RCOR2: variants seen among roughly 807,000 people sequenced by gnomAD.
The protein encoded by RCOR2 is REST corepressor 2.
RCOR2 carries 19 observed loss-of-function variants against 58.9 expected under a neutral mutation model. The ratio of observed to expected loss-of-function variants is 0.32; its 90% CI spans 0.23 to 0.47. The LOEUF (loss-of-function observed/expected upper bound fraction) is 0.47. RCOR2 is among the 20% of genes least tolerant of loss of function. The pLI, the probability that RCOR2 is intolerant of heterozygous loss-of-function variation, is 1.00. For synonymous variants in RCOR2, 286 were observed against 278.7 expected, an observed-to-expected ratio of 1.03 and a Z score of -0.26; for missense variants, 590 against 707.9, an observed-to-expected ratio of 0.83 and a Z score of 1.89.
At position 63,914,960 on chromosome 11, in the gene RCOR2, G is replaced by C; in HGVS notation, c.266-6C>G. 1 of 1,613,904 alleles carries C rather than the reference G, an allele frequency of 6.2e-7. No individual in the cohort carries two copies. Among genetic ancestry groups the C allele is most frequent in the Non-Finnish European group, 8.5e-7 (1 of 1,180,000 alleles). ...CATCGCAATGTACTTGTCAACTGCA[G>C]GGGCAGCAGGGGCAGGGTCTTGGTG... On this transcript the variant is annotated splice_polypyrimidine_tract_variant and splice_region_variant and intron_variant, in intron 3 of 11. Coordinates refer to ENST00000301459, the MANE Select transcript of RCOR2 (RefSeq NM_173587.4).
chr11:63,926,499 T>TTTTTTG, the RCOR2 span, among the ~76,000 whole-genome samples: 1 of 151,048 alleles, frequency 6.6e-6, no homozygotes, highest in Admixed American at 6.6e-5. Context: ...CTTTTTTTTT[T>TTTTTTG]TTTGTTTGTT....
intron 8 of RCOR2, 35 bp downstream of exon 8, chr11:63,913,919 C>T: frequency 6.2e-7 from 1 of 1,603,202 alleles, no homozygotes; most frequent in Non-Finnish European, 8.5e-7. Flanking sequence ...CCGAATGCCA[C>T]CTTTGCATAG....
At chr11:63,915,644 AG>A in intron 1 of RCOR2, 33 bp from the exon 2 acceptor site, 1 of 50,902 alleles carries the variant, frequency 2.0e-5, no homozygotes, top group Non-Finnish European at 4.9e-5. Context: ...TCAGGACTCC[AG>A]GGAGGGCGGG....
In RCOR2 at chr11:63,916,320, C is replaced by T. The variant is rs764408883; in HGVS notation, c.127+10G>A. The T allele has an allele frequency of 1.3e-6, 2 of 1,598,752 alleles. No homozygotes were observed. Among genetic ancestry groups the T allele is most frequent in the Non-Finnish European group, 1.7e-6 (2 of 1,174,480 alleles). Reference sequence around the variant, plus strand: ...CCGGCGCGCCTTTAACCCTAGGCCACCGGGCTCACCGTGCGAGTGCTCCTC... The same window carrying T: ...CCGGCGCGCCTTTAACCCTAGGCCATCGGGCTCACCGTGCGAGTGCTCCTC... On this transcript the variant is annotated intron_variant, in intron 1 of 11. Transcript: ENST00000301459.
the RCOR2 span, among the ~76,000 whole-genome samples, chr11:63,926,762 G>A: frequency 2.0e-4 from 29 of 148,704 alleles, no homozygotes; most frequent in South Asian, 2.8e-3. Flanking sequence ...GCAGGCATGA[G>A]CCACTGTGCC....
At position 63,913,987 on chromosome 11, in the gene RCOR2, A is replaced by G; in HGVS notation, c.858T>C (p.Gly286=). ...TGAGGGAGATGAGCTGAGAGTCAAG[A>G]CCTCGGAGCGTGAGGTTGGCAAGGT... The part of the protein sequence containing the change: ...SPDLANLTLR[G]LDSQLISLKR... Residue 286 remains glycine (G), a synonymous_variant, in exon 8 of 12, where the codon GGT becomes GGC. Transcript: ENST00000301459. 6.2e-7 allele frequency: 1 copy of G among 1,613,602 alleles called. No individual in the cohort carries two copies. Among genetic ancestry groups the G allele is most frequent in the Non-Finnish European group, 8.5e-7 (1 of 1,179,970 alleles).
Position 63,912,923 on chromosome 11 carries a change from T to C in RCOR2, c.916A>G (p.Ser306Gly), listed in dbSNP as rs2134245035. The C allele has an allele frequency of 6.2e-7, 1 of 1,613,562 alleles. No homozygotes were observed. Among genetic ancestry groups the C allele is most frequent in the Non-Finnish European group, 8.5e-7 (1 of 1,179,830 alleles). The change falls in exon 9 of 12, where the codon AGC (serine) becomes GGC (glycine). Residue 306 changes from serine to glycine, a missense_variant. Around this residue, in one of 3 missense-constraint regions of RCOR2, gnomAD observed 390 missense variants for 478.7 expected, o/e 0.81. Coordinates refer to ENST00000301459, the MANE Select transcript of RCOR2 (RefSeq NM_173587.4). ...RQVQSMKQTN[S>G]SLRQALEGGI... ...CCCTCCAGGGCTTGGCGCAGGCTGC[T>C]GTTCGTCTGCTTCATGCTCTGTACC...
intron 1 of RCOR2, 66 bp from the exon 2 acceptor site, chr11:63,915,677 CG>C: frequency 8.5e-6 from 4 of 470,384 alleles, no homozygotes; most frequent in Middle Eastern, 7.2e-4. Context: ...ATGTGGCGGG[CG>C]GGGGAGGTGG....
Position 63,912,494 on chromosome 11 carries a change from C to CTCTG in RCOR2, c.1064_1067dup (p.Glu356AspfsTer35). ...GGGTCAGAGTCTTGTTCCCAATCAC[C>CTCTG]TCTGCAATAGCCCCAAAGTCTTTGC... On this transcript the variant is annotated frameshift_variant, in exon 11 of 12. Transcript: ENST00000301459. LOFTEE classifies it high-confidence loss of function. 1 of 1,614,034 alleles carries CTCTG rather than the reference C, an allele frequency of 6.2e-7. No individual in the cohort carries two copies.
In RCOR2 at chr11:63,911,741, A is replaced by C; in HGVS notation, c.*124T>G. On this transcript the variant is annotated 3_prime_UTR_variant, in exon 12 of 12. Coordinates refer to ENST00000301459, the MANE Select transcript of RCOR2 (RefSeq NM_173587.4). ...CAAAGGGCGGGGCTGGGCTGTCCGA[A>C]ACTCTGGTCTTACAAAGACCCCGCC... The C allele has an allele frequency of 7.3e-7, 1 of 1,372,130 alleles. No homozygotes were observed. Among genetic ancestry groups the C allele is most frequent in the Non-Finnish European group, 9.4e-7 (1 of 1,068,614 alleles). 85.0% of individuals were successfully genotyped at this position (1,372,130 alleles called of 1,614,324 possible).
Position 63,911,736 on chromosome 11 carries a change from TC to T in RCOR2, c.*128del. 7.4e-7 allele frequency: 1 copy of T among 1,358,398 alleles called. No individual in the cohort carries two copies. The highest frequency in any genetic ancestry group is 9.5e-7 in the Non-Finnish European group (1 of 1,057,594). The allele number at this position is 1,358,398 out of a possible 1,614,324, so 84.1% of individuals were successfully genotyped here. A position where few individuals can be genotyped will look rare whatever the true frequency, so the allele number is the denominator to read the frequency against. ...GAACCCAAAGGGCGGGGCTGGGCTGTCCGAAACTCTGGTCTTACAAAGACCC... is the reference window on the plus strand; with the variant it reads ...GAACCCAAAGGGCGGGGCTGGGCTGTCGAAACTCTGGTCTTACAAAGACCC... On this transcript the variant is annotated 3_prime_UTR_variant, in exon 12 of 12. Transcript: ENST00000301459.
intron 8 of RCOR2, among the ~76,000 whole-genome samples, chr11:63,913,724 C>T (rs955852160): frequency 3.3e-5 from 5 of 152,132 alleles, no homozygotes; most frequent in Admixed American, 2.0e-4. Flanking sequence ...TCAGGTGATC[C>T]GCCGGCCTCA....
chr11:63,920,470 C>A (rs1941908817), upstream of RCOR2, among the ~76,000 whole-genome samples: 1 of 152,236 alleles, frequency 6.6e-6, no homozygotes, highest in African/African-American at 2.4e-5. Context: ...CCCAGCGAGC[C>A]TGGCCGCTGT....
rs1460814000 is a variant in RCOR2, at chr11:63,911,780, C to T, written c.*85G>A. ...AAAGACCCCGCCAGAGCCCTAGTCCCTTCTGTCCTCAGTGACACCAGAGAT... is the reference window on the plus strand; with the variant it reads ...AAAGACCCCGCCAGAGCCCTAGTCCTTTCTGTCCTCAGTGACACCAGAGAT... On this transcript the variant is annotated 3_prime_UTR_variant, in exon 12 of 12. Transcript: ENST00000301459. 2 of 1,450,744 alleles carry T rather than the reference C, an allele frequency of 1.4e-6. No homozygotes were observed. The highest frequency in any genetic ancestry group is 1.8e-6 in the Non-Finnish European group (2 of 1,116,794). 89.9% of individuals were successfully genotyped at this position (1,450,744 alleles called of 1,614,324 possible). A position where few individuals can be genotyped will look rare whatever the true frequency, so the allele number is the denominator to read the frequency against.
chr11:63,923,966 T>C, the RCOR2 span, among the ~76,000 whole-genome samples: 1 of 152,326 alleles, frequency 6.6e-6, no homozygotes, highest in Middle Eastern at 3.4e-3. Flanking sequence ...TGGAGTGCAA[T>C]GGCACGATCT....
rs1941843608 is a variant in RCOR2 at position 63,915,558 on chromosome 11, G to A, written c.181C>T (p.Pro61Ser). ...CACAGCCTGTCCTGCGGCTCACCAG[G>A]CTTGCACTCCGGAATTACGGCCTGG... ...NYQAVIPECK[P>S]ESPARYSNKE... The change falls in exon 2 of 12, where the codon CCT becomes TCT. Residue 61 changes from proline to serine, a missense_variant. This residue lies in a region of RCOR2 where 390 missense variants were observed against 478.7 expected (regional missense o/e 0.81). Coordinates refer to ENST00000301459, the MANE Select transcript of RCOR2 (RefSeq NM_173587.4). The A allele has an allele frequency of 1.9e-6, 3 of 1,558,660 alleles. No homozygotes were observed. The highest frequency in any genetic ancestry group is 2.6e-6 in the Non-Finnish European group (3 of 1,150,802).
intron 4 of RCOR2, 33 bp from the exon 5 acceptor site, chr11:63,914,849 C>T: frequency 7.9e-7 from 1 of 1,269,330 alleles, no homozygotes; most frequent in South Asian, 1.3e-5. Flanking sequence ...TGAGCCTGAG[C>T]TGCCCCGGCA....
At chr11:63,922,857 TG>T in the RCOR2 span, among the ~76,000 whole-genome samples, 4 of 152,092 alleles carry the variant, frequency 2.6e-5, no homozygotes, top group African/African-American at 4.8e-5. Flanking sequence ...CTGCAAACCC[TG>T]GCCTGGCTCA....
the RCOR2 span, among the ~76,000 whole-genome samples, chr11:63,926,502 TG>T: frequency 3.7e-3 from 239 of 64,272 alleles, 2 homozygotes; most frequent in African/African-American, 0.011. Context: ...TTTTTTTTTT[TG>T]TTTGTTTGTT....
Sources: allele counts gnomAD v4.1 joint callset (sites outside exome capture counted in the v4.1 genomes callset), GRCh38; gene constraint gnomAD v4.1.1; regional missense constraint gnomAD v4.1.1; transcripts MANE v1.5; gene names NCBI Gene and HGNC (gene_info 2026-07-23, HGNC 2026-07-21).